Variants in CNTLN observed in about 807,000 individuals in gnomAD.
CNTLN encodes the protein centlein, also known as centlein, centrosomal protein.
In CNTLN, 212 loss-of-function variants were observed where a neutral mutation model predicts 180.0. The ratio of observed to expected loss-of-function variants is 1.18; its 90% CI spans 1.05 to 1.32. CNTLN has a LOEUF of 1.32. Among genes scored for constraint, CNTLN ranks in the 40% most tolerant of loss-of-function variants. CNTLN has a pLI of 0.00. For missense variants in CNTLN, 2,095 were observed against 1,610.9 expected (o/e 1.30, Z -5.14); for synonymous variants, 722 against 563.1 (o/e 1.28, Z -3.99).
chr9:17,260,588 C>A (rs903762483), intron 5 of CNTLN, among the ~76,000 whole-genome samples: 1 of 151,266 alleles, frequency 6.6e-6, no homozygotes, highest in East Asian at 1.9e-4. Flanking sequence ...CTGTTAGATG[C>A]ATAATTTGTG....
At chr9:17,292,606 A>G (rs1359632991) in intron 6 of CNTLN, among the ~76,000 whole-genome samples, 1 of 151,922 alleles carries the variant, frequency 6.6e-6, no homozygotes, top group African/African-American at 2.4e-5. Context: ...GTTGATACTT[A>G]TGGTTGCATT....
In CNTLN at chr9:17,220,960, A is replaced by C. The variant is rs150776420; in HGVS notation, c.450-5243A>C. On this transcript the variant is annotated intron_variant, in intron 2 of 25. Transcript: ENST00000380647. Reference sequence around the variant, plus strand: ...ATTTATATTCCTTTGTAACCCTATAAATTAAACTAATTCCTGGACAGTTAA... The same window carrying C: ...ATTTATATTCCTTTGTAACCCTATACATTAAACTAATTCCTGGACAGTTAA... Among the ~76,000 whole-genome samples, 10 of 152,242 alleles carry C rather than the reference A, an allele frequency of 6.6e-5. No individual in the cohort carries two copies. The East Asian group carries it at 1.2e-3, about 18-fold the overall frequency.
chr9:17,156,120 C>T (rs528538977), intron 2 of CNTLN, among the ~76,000 whole-genome samples: 4 of 152,194 alleles, frequency 2.6e-5, no homozygotes, highest in Admixed American at 1.3e-4. Flanking sequence ...ATGCAGAAAT[C>T]ACTCACCTTC....
chr9:17,245,999 A>C (rs1027724027), intron 5 of CNTLN, among the ~76,000 whole-genome samples: 1 of 152,110 alleles, frequency 6.6e-6, no homozygotes, highest in Non-Finnish European at 1.5e-5. Flanking sequence ...ATCTGTCTGA[A>C]AGATCACATA....
At chr9:17,386,480 G>A (rs1825691523) in intron 13 of CNTLN, among the ~76,000 whole-genome samples, 1 of 152,178 alleles carries the variant, frequency 6.6e-6, no homozygotes, top group Non-Finnish European at 1.5e-5. Context: ...AGAAATAGGA[G>A]TGTGTATTTC....
At chr9:17,148,553 A>G (rs1205686558) in intron 2 of CNTLN, among the ~76,000 whole-genome samples, 2 of 152,176 alleles carry the variant, frequency 1.3e-5, no homozygotes, top group Non-Finnish European at 2.9e-5. Context: ...GCATGTCACA[A>G]CCTTCTTAGG....
Position 17,332,693 on chromosome 9 carries a change from G to C in CNTLN, c.1607G>C (p.Arg536Thr), listed in dbSNP as rs751098231. The C allele has an allele frequency of 6.2e-6, 10 of 1,605,684 alleles. No individual in the cohort carries two copies. The highest frequency in any genetic ancestry group is 8.5e-6 in the Non-Finnish European group (10 of 1,176,856). ...CTACAGAAGCTGAGAAAAGCTGAAA[G>C]AAAGATTGAAAACTTAGAGAAGGCA... is the stretch of plus-strand genomic sequence containing the variant. ...EELQKLRKAE[R>T]KIENLEKALQ... The change falls in exon 10 of 26, where the codon AGA becomes ACA. Residue 536 changes from arginine to threonine, a missense_variant. Physicochemically the swap from Arg to Thr is moderately conservative, Grantham distance 71 (BLOSUM62 -1). Coordinates refer to ENST00000380647, the MANE Select transcript of CNTLN (RefSeq NM_017738.4).
rs1825145183 is a variant in CNTLN, at chr9:17,380,415, C to CTCT, written c.1988-7747_1988-7746insTCT. 3.3e-5 allele frequency among the ~76,000 whole-genome samples: 5 copies of CTCT among 152,202 alleles called. 1 individual carries two copies. The South Asian group carries it at 1.0e-3, about 31-fold the overall frequency. On this transcript the variant is annotated intron_variant, in intron 13 of 25. Transcript: ENST00000380647. ...CAATAAAAATGCCTCCATATTGAGA[C>CTCT]ACCTGTGGTAGAGATACAGATACGT...
chr9:17,193,782 C>T (rs1259450716), intron 2 of CNTLN, among the ~76,000 whole-genome samples: 2 of 152,208 alleles, frequency 1.3e-5, no homozygotes, highest in African/African-American at 4.8e-5. Flanking sequence ...TATGGGGGCT[C>T]CGATTCCACA....
At chr9:17,427,283 CTTTT>C (rs34174830) in intron 18 of CNTLN, among the ~76,000 whole-genome samples, 1 of 135,856 alleles carries the variant, frequency 7.4e-6, no homozygotes, top group Non-Finnish European at 1.6e-5. Context: ...GTTGCTGCTT[CTTTT>C]TTTTTTTTTT....
chr9:17,228,933 T>G (rs1038305621), intron 3 of CNTLN, among the ~76,000 whole-genome samples: 2 of 152,042 alleles, frequency 1.3e-5, no homozygotes, highest in Non-Finnish European at 2.9e-5. Flanking sequence ...TTAGAAAGTT[T>G]GTGTTTGAGA....
At chr9:17,401,886 A>G (rs559978049) in intron 15 of CNTLN, among the ~76,000 whole-genome samples, 1 of 149,334 alleles carries the variant, frequency 6.7e-6, no homozygotes, top group South Asian at 2.1e-4. Flanking sequence ...CTAACCAGAA[A>G]AAGGTATTTA....
intron 18 of CNTLN, among the ~76,000 whole-genome samples, chr9:17,453,504 T>C (rs1588032610): frequency 6.6e-6 from 1 of 152,000 alleles, no homozygotes; most frequent in East Asian, 1.9e-4. Context: ...AAGGTGTTGA[T>C]TAAAAAAAAT....
At chr9:17,246,749 G>A (rs570705426) in intron 5 of CNTLN, among the ~76,000 whole-genome samples, 2 of 152,278 alleles carry the variant, frequency 1.3e-5, no homozygotes, top group African/African-American at 4.8e-5. Flanking sequence ...TGGCAACCAA[G>A]CATCAATACA....
chr9:17,390,746 A>G (rs895241063), intron 14 of CNTLN, among the ~76,000 whole-genome samples: 5 of 152,196 alleles, frequency 3.3e-5, no homozygotes, highest in Admixed American at 3.3e-4. Context: ...ACCTTGAATA[A>G]CACTTTAATA....
intron 2 of CNTLN, among the ~76,000 whole-genome samples, chr9:17,145,441 A>G (rs1818389651): frequency 6.6e-6 from 1 of 152,234 alleles, no homozygotes; most frequent in Non-Finnish European, 1.5e-5. Flanking sequence ...TAAAAAGAAT[A>G]TTCTAAATAT....
chr9:17,154,693 C>T (rs889183468), intron 2 of CNTLN, among the ~76,000 whole-genome samples: 5 of 152,184 alleles, frequency 3.3e-5, no homozygotes. Context: ...TGCTCTGTGT[C>T]TAGCTAAAGG....
chr9:17,499,703 C>G (rs1833644263), intron 25 of CNTLN, among the ~76,000 whole-genome samples: 1 of 152,078 alleles, frequency 6.6e-6, no homozygotes, highest in African/African-American at 2.4e-5. Flanking sequence ...GTAGTTCTGA[C>G]TTTTTCTTAG....
chr9:17,366,824 T>G (rs1344592092), intron 13 of CNTLN, 107 bp downstream of exon 13: 1 of 650,434 alleles, frequency 1.5e-6, no homozygotes, highest in African/African-American at 1.9e-5. Flanking sequence ...TTGTTTCTTT[T>G]CCAACACTTT....
Sources: gnomAD v4.1 joint callset for allele counts (sites outside exome capture counted in the v4.1 genomes callset) on GRCh38, gnomAD v4.1.1 for gene constraint, MANE v1.5 for transcripts, NCBI Gene and HGNC (gene_info 2026-07-23, HGNC 2026-07-21) for gene names.